Variants in RNF170 observed in about 807,000 individuals in gnomAD.
The protein encoded by RNF170 is E3 ubiquitin-protein ligase RNF170.
Under a neutral mutation model 32.7 loss-of-function variants are expected in RNF170, and 12 were observed. The ratio of observed to expected loss-of-function variants is 0.37; its 90% CI spans 0.24 to 0.60. RNF170 has a LOEUF of 0.60. RNF170 is among the 20% of genes least tolerant of loss of function. RNF170 has a pLI of 0.72. For synonymous variants in RNF170, 91 were observed against 103.6 expected, an observed-to-expected ratio of 0.88 and a Z score of 0.74; for missense variants, 212 against 311.2, an observed-to-expected ratio of 0.68 and a Z score of 2.40.
chr8:42,860,427 CT>C (rs937069315), intron 6 of RNF170, among the ~76,000 whole-genome samples: 2 of 150,204 alleles, frequency 1.3e-5, no homozygotes, highest in Non-Finnish European at 1.5e-5. Flanking sequence ...TCCCTCCAAA[CT>C]TTTTTTTTTC....
chr8:42,896,982 C>A, upstream of RNF170: 1 of 475,352 alleles, frequency 2.1e-6, no homozygotes, highest in Non-Finnish European at 3.4e-6. Context: ...CGGTGCGGAG[C>A]CGCTGCCAGC....
downstream of RNF170, chr8:42,849,865 AAGG>A (rs1802898238): frequency 6.6e-6 from 1 of 152,352 alleles, no homozygotes; most frequent in South Asian, 2.1e-4. Context: ...TATGTCAGTG[AAGG>A]AGATTTCTGC....
chr8:42,883,506 T>A (rs1805576939), intron 2 of RNF170, among the ~76,000 whole-genome samples: 1 of 145,098 alleles, frequency 6.9e-6, no homozygotes, highest in South Asian at 2.2e-4. Context: ...GAGGCGGAGC[T>A]TGCAGTGAGC....
intron 3 of RNF170, among the ~76,000 whole-genome samples, chr8:42,871,048 C>G (rs1048710490): frequency 1.3e-5 from 2 of 151,526 alleles, no homozygotes; most frequent in African/African-American, 4.8e-5. Context: ...GTCTCTACCA[C>G]AAAATACAAA....
chr8:42,895,906 C>G (rs148019739), intron 1 of RNF170, among the ~76,000 whole-genome samples: 4 of 152,162 alleles, frequency 2.6e-5, no homozygotes, highest in African/African-American at 9.6e-5. Flanking sequence ...TGAGAAACTC[C>G]TGGGGTGCCG....
At chr8:42,861,972 T>A in intron 5 of RNF170, 117 bp from the exon 6 acceptor site, 1 of 1,133,284 alleles carries the variant, frequency 8.8e-7, no homozygotes, top group South Asian at 1.8e-5. Flanking sequence ...CACTCATTTT[T>A]AAATAAAGGC....
intron 1 of RNF170, 39 bp downstream of exon 1, chr8:42,896,445 C>T (rs551708849): frequency 9.5e-5 from 43 of 453,258 alleles, no homozygotes; most frequent in Middle Eastern, 7.0e-4. Flanking sequence ...CTCCGCGGGC[C>T]CCGATAGGGT....
Position 42,887,607 on chromosome 8 carries a change from A to T in RNF170, c.137+121T>A, listed in dbSNP as rs1399499963. Reference sequence around the variant, plus strand: ...CCCGTGGAAAATAAAATACCTTAGTAAACATCTACAATCACTGAGATCTGT... The same window carrying T: ...CCCGTGGAAAATAAAATACCTTAGTTAACATCTACAATCACTGAGATCTGT... On this transcript the variant is annotated intron_variant, in intron 2 of 6. Coordinates refer to ENST00000527424, the MANE Select transcript of RNF170 (RefSeq NM_030954.4). 3.3e-6 allele frequency: 3 copies of T among 919,514 alleles called. No individual in the cohort carries two copies. The African/African-American group carries it at 4.9e-5, about 15-fold the overall frequency. The allele number at this position is 919,514 out of a possible 1,614,324, so 57.0% of individuals were successfully genotyped here. A position where few individuals can be genotyped will look rare whatever the true frequency, so the allele number is the denominator to read the frequency against.
chr8:42,861,355 T>G (rs1175026766), intron 6 of RNF170: 2 of 161,022 alleles, frequency 1.2e-5, no homozygotes, highest in South Asian at 3.7e-4. Flanking sequence ...TCTTTTCTTG[T>G]TTTTTGAGGA....
At chr8:42,866,800 G>A (rs940865347) in intron 4 of RNF170, among the ~76,000 whole-genome samples, 2 of 152,180 alleles carry the variant, frequency 1.3e-5, no homozygotes, top group Non-Finnish European at 2.9e-5. Context: ...AAGAAGGCAC[G>A]GGTGTGCCAA....
intron 4 of RNF170, among the ~76,000 whole-genome samples, chr8:42,867,860 AG>A (rs1804233878): frequency 6.6e-6 from 1 of 152,080 alleles, no homozygotes; most frequent in East Asian, 1.9e-4. Flanking sequence ...CTTGTAGAAA[AG>A]AAAGGATTTG....
intron 2 of RNF170, among the ~76,000 whole-genome samples, chr8:42,879,135 C>T (rs527723133): frequency 3.3e-5 from 5 of 152,312 alleles, no homozygotes; most frequent in African/African-American, 9.6e-5. Context: ...TAGTCACCCA[C>T]GAGCTCTAAT....
intron 4 of RNF170, among the ~76,000 whole-genome samples, chr8:42,866,999 CTG>C (rs1441528503): frequency 1.3e-5 from 2 of 152,220 alleles, no homozygotes; most frequent in Non-Finnish European, 1.5e-5. Flanking sequence ...CCACGAACCT[CTG>C]TGTATTCTTG....
At chr8:42,883,906 G>C (rs1805611257) in intron 2 of RNF170, among the ~76,000 whole-genome samples, 1 of 151,922 alleles carries the variant, frequency 6.6e-6, no homozygotes, top group African/African-American at 2.4e-5. Flanking sequence ...GATTCCCTCA[G>C]TAATCACGAT....
rs1322598514 is a variant in RNF170, at chr8:42,854,660, C to T, written c.*1499G>A. On this transcript the variant is annotated 3_prime_UTR_variant, in exon 7 of 7. Transcript: ENST00000527424. ...TAGAGAGAATGTGACAGATTTTCTC[C>T]TTATCTCCCAGTCTGCATATAGTGA... 6 of 1,287,180 alleles carry T rather than the reference C, an allele frequency of 4.7e-6. No homozygotes were observed. Among genetic ancestry groups the T allele is most frequent in the East Asian group, 5.5e-5 (1 of 18,024 alleles). 79.7% of individuals were successfully genotyped at this position (1,287,180 alleles called of 1,614,324 possible).
In RNF170 at chr8:42,855,562, A is replaced by C. The variant is rs745600587; in HGVS notation, c.*597T>G. ...GATTAAAATGTGTTCTGTAAACTAG[A>C]ATATGATATCGAAGTATGAAGTTCA... On this transcript the variant is annotated 3_prime_UTR_variant, in exon 7 of 7. Transcript: ENST00000527424. The C allele has an allele frequency of 5.5e-6, 7 of 1,280,898 alleles. No individual in the cohort carries two copies. Among genetic ancestry groups the C allele is most frequent in the Non-Finnish European group, 7.1e-6 (7 of 982,864 alleles). The allele number at this position is 1,280,898 out of a possible 1,614,324, so 79.3% of individuals were successfully genotyped here.
intron 1 of RNF170, among the ~76,000 whole-genome samples, chr8:42,888,755 T>A (rs1176030106): frequency 7.1e-6 from 1 of 141,364 alleles, no homozygotes; most frequent in African/African-American, 2.6e-5. Context: ...CAAGACCCTG[T>A]CCCCCGCCCC....
At chr8:42,887,045 C>T (rs1197766514) in intron 2 of RNF170, among the ~76,000 whole-genome samples, 1 of 152,126 alleles carries the variant, frequency 6.6e-6, no homozygotes, top group African/African-American at 2.4e-5. Context: ...GTAATCCCAG[C>T]ACTTTGGGAG....
upstream of RNF170, chr8:42,896,970 G>T: frequency 2.3e-6 from 1 of 438,098 alleles, no homozygotes; most frequent in South Asian, 1.2e-4. Flanking sequence ...CGCTGGGGGT[G>T]ACGGTGCGGA....
Sources: allele counts gnomAD v4.1 joint callset (sites outside exome capture counted in the v4.1 genomes callset), GRCh38; gene constraint gnomAD v4.1.1; transcripts MANE v1.5; gene names NCBI Gene and HGNC (gene_info 2026-07-23, HGNC 2026-07-21).